The following SNTG2 variants were observed in gnomAD, a reference collection of about 807,000 sequenced individuals.
SNTG2 encodes the protein syntrophin gamma 2.
In SNTG2, 74 loss-of-function variants were observed where a neutral mutation model predicts 70.9. The ratio of observed to expected loss-of-function variants is 1.04; its 90% CI spans 0.86 to 1.27. SNTG2 has a LOEUF of 1.27. Among genes scored for constraint, SNTG2 ranks in the 50% most tolerant of loss-of-function variants. The probability of loss-of-function intolerance (pLI) is 0.00; values close to 1 mark genes in which losing one functional copy is unlikely to be tolerated. For missense variants in SNTG2, 717 were observed against 690.7 expected, an observed-to-expected ratio of 1.04 and a Z score of -0.43; for synonymous variants, 278 against 273.8, an observed-to-expected ratio of 1.02 and a Z score of -0.15.
At chr2:1,008,633 A>G (rs1489105411) in intron 1 of SNTG2, among the ~76,000 whole-genome samples, 1 of 152,220 alleles carries the variant, frequency 6.6e-6, no homozygotes, top group African/African-American at 2.4e-5. Flanking sequence ...GAAACCTGTA[A>G]TGTCGTAGAA....
chr2:1,183,003 C>T (rs1048936261), intron 8 of SNTG2, among the ~76,000 whole-genome samples: 2 of 152,156 alleles, frequency 1.3e-5, no homozygotes, highest in Non-Finnish European at 2.9e-5. Flanking sequence ...AATCCTCCCT[C>T]CTCAGCCCCC....
chr2:1,208,591 G>A (rs542671009), intron 8 of SNTG2, among the ~76,000 whole-genome samples: 7 of 152,120 alleles, frequency 4.6e-5, no homozygotes, highest in East Asian at 1.9e-4. Context: ...GTCGAGAGCC[G>A]CAGACCCGAC....
At position 950,897 on chromosome 2, in the gene SNTG2, G is replaced by C. The variant is rs1659929298; in HGVS notation, c.-100G>C. 1 of 460,778 alleles carries C rather than the reference G, an allele frequency of 2.2e-6. No individual in the cohort carries two copies. Among genetic ancestry groups the C allele is most frequent in the Non-Finnish European group, 3.2e-6 (1 of 313,260 alleles). 28.5% of individuals were successfully genotyped at this position (460,778 alleles called of 1,614,324 possible). On this transcript the variant is annotated 5_prime_UTR_variant, in exon 1 of 17. Transcript: ENST00000308624. The stretch of plus-strand genomic sequence containing the variant: ...GAGCCGGAGCCGGCAGAGGGGCGCG[G>C]GCGCGGACGCGGCGCCTGGCGGGGC...
chr2:1,093,014 C>A (rs1665135394), intron 2 of SNTG2, among the ~76,000 whole-genome samples: 1 of 152,126 alleles, frequency 6.6e-6, no homozygotes, highest in Non-Finnish European at 1.5e-5. Flanking sequence ...AGATTGCAAC[C>A]TCCATTCTGT....
At chr2:1,079,506 C>T (rs1454211679) in intron 1 of SNTG2, among the ~76,000 whole-genome samples, 1 of 152,216 alleles carries the variant, frequency 6.6e-6, no homozygotes, top group Non-Finnish European at 1.5e-5. Flanking sequence ...TTTCAGATGG[C>T]ATCATCTGGT....
Position 1,168,421 on chromosome 2 carries a change from G to A in SNTG2, c.499+2786G>A, listed in dbSNP as rs184161692. 6.6e-5 allele frequency among the ~76,000 whole-genome samples: 10 copies of A among 152,344 alleles called. No individual in the cohort carries two copies. The East Asian group carries it at 1.9e-3, about 29-fold the overall frequency. ...CCCCTAGATGCTGCCAGGGGTCAGA[G>A]CCCCAAAGCCGGCCCATCTCTATGG... On this transcript the variant is annotated intron_variant, in intron 7 of 16. Coordinates refer to ENST00000308624, the MANE Select transcript of SNTG2 (RefSeq NM_018968.4).
At position 1,321,450 on chromosome 2, in the gene SNTG2, G is replaced by A. The variant is rs966610194; in HGVS notation, c.1488+5075G>A. ...CCGCAGATGGAGGAAGATTGGGCGT[G>A]GGCACCTGAGTGTTTAGGACCACGG... is the stretch of plus-strand genomic sequence containing the variant. On this transcript the variant is annotated intron_variant, in intron 16 of 16. Transcript: ENST00000308624. 3.9e-5 allele frequency among the ~76,000 whole-genome samples: 6 copies of A among 152,132 alleles called. No homozygotes were observed. In the East Asian group the frequency reaches 5.8e-4, roughly 15 times the overall value.
At chr2:1,238,668 T>C (rs1676845917) in intron 10 of SNTG2, among the ~76,000 whole-genome samples, 1 of 152,216 alleles carries the variant, frequency 6.6e-6, no homozygotes, top group East Asian at 1.9e-4. Context: ...GCCGCAGCCC[T>C]GGCAACTGTG....
intron 1 of SNTG2, among the ~76,000 whole-genome samples, chr2:1,081,551 C>A (rs904475913): frequency 6.6e-6 from 1 of 152,244 alleles, no homozygotes; most frequent in Non-Finnish European, 1.5e-5. Flanking sequence ...AGCAGTCAGG[C>A]TGCAAAGGGC....
intron 16 of SNTG2, among the ~76,000 whole-genome samples, chr2:1,335,936 G>C (rs564553905): frequency 6.6e-6 from 1 of 152,206 alleles, no homozygotes; most frequent in African/African-American, 2.4e-5. Context: ...CATGGTTTAC[G>C]TCACCAGATC....
intron 1 of SNTG2, among the ~76,000 whole-genome samples, chr2:1,052,448 G>A (rs916037259): frequency 6.6e-6 from 1 of 152,174 alleles, no homozygotes; most frequent in Non-Finnish European, 1.5e-5. Context: ...GGGACTCATA[G>A]TGGCTTCCCC....
At chr2:1,355,673 A>G (rs193028151) in intron 16 of SNTG2, among the ~76,000 whole-genome samples, 118 of 152,296 alleles carry the variant, frequency 7.7e-4, no homozygotes, top group African/African-American at 2.5e-3. Flanking sequence ...TCTTGGAGAT[A>G]CTGATTCCAT....
intron 13 of SNTG2, among the ~76,000 whole-genome samples, chr2:1,266,658 G>A (rs1678752400): frequency 6.6e-6 from 1 of 151,794 alleles, no homozygotes. Context: ...GAGGCGCAGG[G>A]GGCACGCTTA....
chr2:1,247,443 G>T lies in SNTG2; in HGVS notation c.1005G>T (p.Pro335=), dbSNP rs562415359. ...GPSFYVFSTP[P]VSTFDWVRAE... ...CCTTCTACGTTTTCAGCACTCCTCC[G>T]GTAAGGATGCTTTTGACACTCCACA... is the stretch of plus-strand genomic sequence containing the variant. The change falls in exon 12 of 17, where the codon CCG becomes CCT. Residue 335 remains proline, a splice_region_variant and synonymous_variant. Transcript: ENST00000308624. 1.2e-6 allele frequency: 2 copies of T among 1,605,960 alleles called. No homozygotes were observed. The highest frequency in any genetic ancestry group is 4.5e-5 in the East Asian group (2 of 44,836).
intron 4 of SNTG2, among the ~76,000 whole-genome samples, chr2:1,126,229 C>T (rs2148300509): frequency 6.6e-6 from 1 of 152,270 alleles, no homozygotes; most frequent in Non-Finnish European, 1.5e-5. Context: ...TGAGTGAGAA[C>T]ATGCAGTGTT....
rs544133163 is a variant in SNTG2, at chr2:1,081,240, G to A, written c.73-2278G>A. On this transcript the variant is annotated intron_variant, in intron 1 of 16. Transcript: ENST00000308624. ...TCCCTCTGTGTGCAGCGGAGTGGGG[G>A]ATGCCCACTTGTCATCAGGCGCCCG... Among the ~76,000 whole-genome samples the A allele has an allele frequency of 3.3e-5, 5 of 152,332 alleles. No homozygotes were observed. The South Asian group carries it at 1.0e-3, about 32-fold the overall frequency.
At chr2:1,248,031 C>T (rs1360635251) in intron 12 of SNTG2, among the ~76,000 whole-genome samples, 1 of 152,144 alleles carries the variant, frequency 6.6e-6, no homozygotes, top group Non-Finnish European at 1.5e-5. Flanking sequence ...TTTTGAGAGT[C>T]TGACCATCAG....
At chr2:1,304,775 T>C (rs140086132) in intron 14 of SNTG2, among the ~76,000 whole-genome samples, 168 of 152,236 alleles carry the variant, frequency 1.1e-3, no homozygotes, top group African/African-American at 3.7e-3. Flanking sequence ...CTTAGGTTTT[T>C]TTCTTTCTTT....
At chr2:1,028,943 T>C (rs969038304) in intron 1 of SNTG2, among the ~76,000 whole-genome samples, 1 of 152,086 alleles carries the variant, frequency 6.6e-6, no homozygotes, top group Non-Finnish European at 1.5e-5. Context: ...TGCTGTCCCA[T>C]GTTCATCTCC....
Sources: allele counts gnomAD v4.1 joint callset (sites outside exome capture counted in the v4.1 genomes callset), GRCh38; gene constraint gnomAD v4.1.1; transcripts MANE v1.5; gene names NCBI Gene and HGNC (gene_info 2026-07-23, HGNC 2026-07-21).